THSD4: variants seen among roughly 807,000 people sequenced by gnomAD.
THSD4 encodes thrombospondin type-1 domain-containing protein 4.
In THSD4, 69 loss-of-function variants were observed where a neutral mutation model predicts 119.0. The observed-to-expected ratio is 0.58, with a 90% CI of 0.48 to 0.71. The LOEUF is 0.71. THSD4 is among the 30% of genes least tolerant of loss of function. The pLI is 0.00. For missense variants in THSD4, 1,393 were observed against 1,391.1 expected, an observed-to-expected ratio of 1.00 and a Z score of -0.02; for synonymous variants, 524 against 540.4, an observed-to-expected ratio of 0.97 and a Z score of 0.42.
chr15:71,114,573 G>T (rs767959005), upstream of THSD4, among the ~76,000 whole-genome samples: 1 of 152,086 alleles, frequency 6.6e-6, no homozygotes, highest in South Asian at 2.1e-4. Context: ...CGAATGTAAA[G>T]AATTTGGCTC....
At chr15:71,536,755 T>C (rs2048693563) in intron 7 of THSD4, among the ~76,000 whole-genome samples, 1 of 152,182 alleles carries the variant, frequency 6.6e-6, no homozygotes, top group Non-Finnish European at 1.5e-5. Context: ...TTATTAATTA[T>C]AGTGACCATG....
chr15:71,574,538 C>T (rs2140904630), intron 7 of THSD4, among the ~76,000 whole-genome samples: 1 of 152,196 alleles, frequency 6.6e-6, no homozygotes, highest in East Asian at 1.9e-4. Flanking sequence ...ATAACTGGGT[C>T]CTGAATCTCC....
intron 1 of THSD4, among the ~76,000 whole-genome samples, chr15:71,130,239 G>A (rs1283540440): frequency 2.0e-5 from 3 of 152,176 alleles, no homozygotes; most frequent in African/African-American, 7.2e-5. Flanking sequence ...AGGCTCGAGT[G>A]CAGTGGCATA....
At position 71,652,889 on chromosome 15, in the gene THSD4, G is replaced by A. The variant is rs551549144; in HGVS notation, c.1153-7641G>A. Among the ~76,000 whole-genome samples, 6 of 152,278 alleles carry A rather than the reference G, an allele frequency of 3.9e-5. No individual in the cohort carries two copies. The South Asian group carries it at 1.2e-3, about 32-fold the overall frequency. On this transcript the variant is annotated intron_variant, in intron 7 of 17. Coordinates refer to ENST00000261862, the MANE Select transcript of THSD4 (RefSeq NM_024817.3). Reference sequence around the variant, plus strand: ...TTCTTCTCTTCAAATGAATGGCATCGTCAATTTGATCTTCATTGATTCCTG... The same window carrying A: ...TTCTTCTCTTCAAATGAATGGCATCATCAATTTGATCTTCATTGATTCCTG...
intron 7 of THSD4, among the ~76,000 whole-genome samples, chr15:71,571,832 A>G (rs537947670): frequency 2.6e-5 from 4 of 152,324 alleles, no homozygotes; most frequent in South Asian, 2.1e-4. Flanking sequence ...CTTCATGACA[A>G]TGGGAGATTC....
chr15:71,628,283 G>A (rs185889532), intron 7 of THSD4, among the ~76,000 whole-genome samples: 5 of 152,262 alleles, frequency 3.3e-5, no homozygotes, highest in African/African-American at 1.2e-4. Context: ...GGGTAAAAAA[G>A]GAAAGGCTGA....
At chr15:71,144,614 T>G (rs2040638532) in intron 2 of THSD4, among the ~76,000 whole-genome samples, 1 of 152,152 alleles carries the variant, frequency 6.6e-6, no homozygotes, top group African/African-American at 2.4e-5. Context: ...GAGATTTCAT[T>G]TAAAAACCCC....
intron 6 of THSD4, among the ~76,000 whole-genome samples, chr15:71,276,635 G>C (rs541181280): frequency 6.6e-6 from 1 of 152,180 alleles, no homozygotes; most frequent in African/African-American, 2.4e-5. Context: ...AATCCTGCTA[G>C]TTGCTCGAAA....
intron 7 of THSD4, among the ~76,000 whole-genome samples, chr15:71,539,700 C>T (rs955659569): frequency 3.3e-5 from 5 of 152,128 alleles, no homozygotes; most frequent in Non-Finnish European, 5.9e-5. Context: ...TTCTCCTCTG[C>T]GTTTTCTGTT....
chr15:71,624,654 G>T (rs1198218661), intron 7 of THSD4, among the ~76,000 whole-genome samples: 1 of 152,022 alleles, frequency 6.6e-6, no homozygotes, highest in African/African-American at 2.4e-5. Flanking sequence ...ATGATGCCTT[G>T]TTCAAGTGGA....
rs1472456718 is a variant in THSD4 at position 71,779,078 on chromosome 15, A to G, written c.*1704A>G. ...ATGGTTTGCAGCTTTTGGAAGCAGT[A>G]TGGCAACCTGGCCTGACATGCTCTT... On this transcript the variant is annotated 3_prime_UTR_variant, in exon 18 of 18. Transcript: ENST00000261862. 6.6e-6 allele frequency: 1 copy of G among 152,240 alleles called. No homozygotes were observed. The highest frequency in any genetic ancestry group is 1.5e-5 in the Non-Finnish European group (1 of 68,044). 9.4% of individuals were successfully genotyped at this position (152,240 alleles called of 1,614,324 possible).
intron 6 of THSD4, among the ~76,000 whole-genome samples, chr15:71,379,012 G>A (rs2046189630): frequency 6.6e-6 from 1 of 152,140 alleles, no homozygotes; most frequent in Non-Finnish European, 1.5e-5. Flanking sequence ...TTGAACTCCT[G>A]GGCTCAAACA....
At chr15:71,638,080 AATTTT>A (rs1411195182) in intron 7 of THSD4, among the ~76,000 whole-genome samples, 1 of 152,160 alleles carries the variant, frequency 6.6e-6, no homozygotes, top group East Asian at 1.9e-4. Flanking sequence ...TAAGATGGTA[AATTTT>A]ATATTATGTT....
intron 6 of THSD4, among the ~76,000 whole-genome samples, chr15:71,260,519 TGTAA>T (rs2044380161): frequency 6.6e-6 from 1 of 152,194 alleles, no homozygotes; most frequent in African/African-American, 2.4e-5. Context: ...AACTCTTGGT[TGTAA>T]GTGACAGAAA....
chr15:71,292,547 T>A (rs1180724233), intron 6 of THSD4, among the ~76,000 whole-genome samples: 1 of 152,178 alleles, frequency 6.6e-6, no homozygotes, highest in African/African-American at 2.4e-5. Context: ...TTCTTTAATT[T>A]TTATGACCAT....
chr15:71,301,924 T>TG (rs543694378), intron 6 of THSD4, among the ~76,000 whole-genome samples: 139 of 152,192 alleles, frequency 9.1e-4, no homozygotes, highest in African/African-American at 3.1e-3. Flanking sequence ...CCCTTTAGTG[T>TG]GGGGGGCTCC....
At chr15:71,372,961 C>G (rs1345115692) in intron 6 of THSD4, among the ~76,000 whole-genome samples, 3 of 152,256 alleles carry the variant, frequency 2.0e-5, no homozygotes, top group African/African-American at 2.4e-5. Context: ...TTTACCTACT[C>G]AAGCCTCAGC....
intron 7 of THSD4, among the ~76,000 whole-genome samples, chr15:71,415,715 A>G (rs1011656034): frequency 6.6e-6 from 1 of 151,946 alleles, no homozygotes; most frequent in Non-Finnish European, 1.5e-5. Flanking sequence ...GGTAACCATC[A>G]TTATCCTCTC....
At chr15:71,249,492 T>G (rs2044238680) in intron 5 of THSD4, among the ~76,000 whole-genome samples, 1 of 151,010 alleles carries the variant, frequency 6.6e-6, no homozygotes, top group Admixed American at 6.6e-5. Context: ...TAGAAAGTTG[T>G]TCTCTTATTG....
Sources: gnomAD v4.1 joint callset for allele counts (sites outside exome capture counted in the v4.1 genomes callset) on GRCh38, gnomAD v4.1.1 for gene constraint, MANE v1.5 for transcripts, NCBI Gene and HGNC (gene_info 2026-07-23, HGNC 2026-07-21) for gene names.